DNER: variants seen among roughly 807,000 people sequenced by gnomAD.
DNER encodes the protein delta and Notch-like epidermal growth factor-related receptor.
DNER carries 33 observed loss-of-function variants against 78.2 expected under a neutral mutation model. The observed-to-expected ratio is 0.42, with a 90% CI of 0.32 to 0.56. The LOEUF is 0.56. Among genes scored for constraint, DNER ranks in the 20% least tolerant of loss-of-function variants. The probability of loss-of-function intolerance (pLI) is 0.11; values close to 1 mark genes in which losing one functional copy is unlikely to be tolerated. For missense variants in DNER, 918 were observed against 975.3 expected (o/e 0.94, Z 0.78); for synonymous variants, 417 against 384.8 (o/e 1.08, Z -0.98).
chr2:229,483,716 G>T (rs1374444920), intron 6 of DNER, among the ~76,000 whole-genome samples: 1 of 152,168 alleles, frequency 6.6e-6, no homozygotes, highest in Non-Finnish European at 1.5e-5. Context: ...TGGTCACACT[G>T]CAGGGCTGTT....
In DNER at chr2:229,516,191, A is replaced by G. The variant is rs571045778; in HGVS notation, c.994-3255T>C. 7.9e-5 allele frequency among the ~76,000 whole-genome samples: 12 copies of G among 152,372 alleles called. No homozygotes were observed. In the East Asian group the frequency reaches 2.1e-3, roughly 27 times the overall value. On this transcript the variant is annotated intron_variant, in intron 5 of 12. Transcript: ENST00000341772. ...TTGTATATTCTCTATCATATCATCT[A>G]TAAAGTTAGATTACTCCCTGTCTAT...
rs200596716 is a variant in DNER at position 229,447,374 on chromosome 2, G to A, written c.1428C>T (p.Pro476=). ...AQLIDFCALS[P]CAHGTCRSVG... ...CGCTGCGGCACGTGCCATGAGCACA[G>A]GGGCTGAGGGCACAGAAGTCAATAA... Residue 476 remains proline, a synonymous_variant, in exon 8 of 13, where the codon CCC becomes CCT. Transcript: ENST00000341772. 6 of 1,612,792 alleles carry A rather than the reference G, an allele frequency of 3.7e-6. No homozygotes were observed. In the African/African-American group the frequency reaches 5.3e-5, roughly 14 times the overall value.
At chr2:229,598,453 C>T (rs1370557367) in intron 1 of DNER, among the ~76,000 whole-genome samples, 1 of 152,238 alleles carries the variant, frequency 6.6e-6, no homozygotes, top group Non-Finnish European at 1.5e-5. Context: ...TTAACTTGGA[C>T]TTGCCCTGAG....
intron 4 of DNER, among the ~76,000 whole-genome samples, chr2:229,573,570 C>A (rs189613310): frequency 4.6e-5 from 7 of 152,124 alleles, no homozygotes; most frequent in African/African-American, 1.4e-4. Flanking sequence ...ATCCTTCCTT[C>A]CATTCTCATG....
intron 5 of DNER, among the ~76,000 whole-genome samples, chr2:229,517,764 G>T (rs1696009232): frequency 6.6e-6 from 1 of 152,172 alleles, no homozygotes; most frequent in Non-Finnish European, 1.5e-5. Context: ...CTTGCTACTA[G>T]CCTCTGGCGG....
At position 229,547,165 on chromosome 2, in the gene DNER, A is replaced by G. The variant is rs1696644490; in HGVS notation, c.848-73T>C. The G allele has an allele frequency of 4.5e-6, 7 of 1,572,284 alleles. No individual in the cohort carries two copies. The Admixed American group carries it at 1.2e-4, about 28-fold the overall frequency. ...AAGGCAGTGTGTTGAAAGCTTTACC[A>G]ACAGCCTTTCTACAAGACTATGAAT... On this transcript the variant is annotated intron_variant, in intron 4 of 12. Transcript: ENST00000341772.
At chr2:229,503,208 G>A (rs62192048) in intron 6 of DNER, among the ~76,000 whole-genome samples, 10,256 of 152,166 alleles carry the variant, frequency 0.067, 461 homozygotes, top group East Asian at 0.21. Flanking sequence ...ACCCCCACTG[G>A]CAAAACTGGG....
At chr2:229,613,668 T>C (rs1223128940) in intron 1 of DNER, among the ~76,000 whole-genome samples, 1 of 151,500 alleles carries the variant, frequency 6.6e-6, no homozygotes, top group African/African-American at 2.4e-5. Context: ...GTTTCCTGGG[T>C]ATTTTTTTTT....
chr2:229,571,734 T>TC (rs1043791891), intron 4 of DNER, among the ~76,000 whole-genome samples: 4 of 151,866 alleles, frequency 2.6e-5, no homozygotes, highest in African/African-American at 4.8e-5. Flanking sequence ...TGATGAGACC[T>TC]CCCCCCCTGA....
chr2:229,435,257 C>T lies in DNER; in HGVS notation c.1486+12059G>A, dbSNP rs541514083. Among the ~76,000 whole-genome samples, 11 of 152,270 alleles carry T rather than the reference C, an allele frequency of 7.2e-5. No individual in the cohort carries two copies. In the South Asian group the frequency reaches 2.3e-3, roughly 32 times the overall value. ...GAGAGACATGTGGCTTAGTTGCCCC[C>T]ATCACTCCAGCTAACTGCCAGCAAT... On this transcript the variant is annotated intron_variant, in intron 8 of 12. Coordinates refer to ENST00000341772, the MANE Select transcript of DNER (RefSeq NM_139072.4).
At chr2:229,382,079 C>T (rs2106332913) in intron 11 of DNER, among the ~76,000 whole-genome samples, 1 of 152,316 alleles carries the variant, frequency 6.6e-6, no homozygotes, top group African/African-American at 2.4e-5. Context: ...AACAGGCAGA[C>T]ATCTTTGCTG....
chr2:229,440,797 G>A (rs771206839), intron 8 of DNER, among the ~76,000 whole-genome samples: 2 of 152,098 alleles, frequency 1.3e-5, no homozygotes, highest in African/African-American at 2.4e-5. Flanking sequence ...TCACACCCTT[G>A]TTCCCCGCAT....
At chr2:229,684,172 G>T (rs1699443593) in intron 1 of DNER, among the ~76,000 whole-genome samples, 1 of 88,778 alleles carries the variant, frequency 1.1e-5, no homozygotes, top group Non-Finnish European at 2.2e-5. Flanking sequence ...GAGAGAGAGT[G>T]TGTGTGTGTG....
chr2:229,595,388 T>A (rs1427211712), intron 1 of DNER, among the ~76,000 whole-genome samples: 1 of 152,044 alleles, frequency 6.6e-6, no homozygotes, highest in African/African-American at 2.4e-5. Flanking sequence ...TTCAAGCGAT[T>A]CTCCTGCCTC....
chr2:229,617,547 AC>A (rs1349254302), intron 1 of DNER, among the ~76,000 whole-genome samples: 5 of 144,080 alleles, frequency 3.5e-5, no homozygotes, highest in Non-Finnish European at 3.1e-5. Flanking sequence ...TTTCTAACAC[AC>A]AAAAAAAAAG....
At chr2:229,548,650 G>A (rs1696669480) in intron 4 of DNER, among the ~76,000 whole-genome samples, 2 of 152,004 alleles carry the variant, frequency 1.3e-5, no homozygotes, top group African/African-American at 4.8e-5. Context: ...GTAGGTGGTG[G>A]GTTGATGGGT....
intron 4 of DNER, among the ~76,000 whole-genome samples, chr2:229,551,949 T>TAAATAAATAAATAAATAAATA (rs1482741858): frequency 2.6e-5 from 4 of 151,046 alleles, no homozygotes; most frequent in African/African-American, 9.8e-5. Flanking sequence ...AATAAATAAA[T>TAAATAAATAAATAAATAAATA]AAATAAATAA....
chr2:229,533,572 T>C (rs1348757528), intron 5 of DNER, among the ~76,000 whole-genome samples: 1 of 152,106 alleles, frequency 6.6e-6, no homozygotes, highest in Non-Finnish European at 1.5e-5. Context: ...CTTTCCAACA[T>C]TGTCTGACAA....
intron 5 of DNER, among the ~76,000 whole-genome samples, chr2:229,541,839 C>CATATAT (rs3085474): frequency 0.017 from 2,514 of 146,714 alleles, 76 homozygotes; most frequent in African/African-American, 0.06. Flanking sequence ...TAAAACAAAT[C>CATATAT]ATATATATAT....
Sources: gnomAD v4.1 joint callset for allele counts (sites outside exome capture counted in the v4.1 genomes callset) on GRCh38, gnomAD v4.1.1 for gene constraint, MANE v1.5 for transcripts, NCBI Gene and HGNC (gene_info 2026-07-23, HGNC 2026-07-21) for gene names.